Variants in AK8 observed in about 807,000 individuals in gnomAD.
AK8 encodes the protein ATP-AMP transphosphorylase 8.
AK8 carries 44 observed loss-of-function variants against 54.6 expected under a neutral mutation model. That is an observed-to-expected ratio of 0.81 (90% CI 0.63 to 1.04). The LOEUF (loss-of-function observed/expected upper bound fraction) is 1.04, where lower values mean the gene tolerates loss of function less well. Among genes scored for constraint, AK8 ranks in the 50% least tolerant of loss-of-function variants. The pLI is 0.00. For missense variants in AK8, 555 were observed against 613.6 expected, an observed-to-expected ratio of 0.90 and a Z score of 1.01; for synonymous variants, 239 against 245.6, an observed-to-expected ratio of 0.97 and a Z score of 0.25.
intron 11 of AK8, among the ~76,000 whole-genome samples, chr9:132,742,227 T>C (rs968557368): frequency 1.4e-5 from 2 of 147,772 alleles, no homozygotes; most frequent in South Asian, 4.3e-4. Context: ...CAGGCTGGAG[T>C]GTAATGACAC....
chr9:132,777,871 G>A lies in AK8; in HGVS notation c.1121+14763C>T, dbSNP rs369719114. Among the ~76,000 whole-genome samples the A allele has an allele frequency of 7.9e-5, 12 of 152,160 alleles. No homozygotes were observed. In the East Asian group the frequency reaches 1.4e-3, roughly 17 times the overall value. ...GCTGTGGGTCCCACCCCCAACACACGCCCCACTTTCTTTTTCACCCTTGTC... is the reference window on the plus strand; with the variant it reads ...GCTGTGGGTCCCACCCCCAACACACACCCCACTTTCTTTTTCACCCTTGTC... On this transcript the variant is annotated intron_variant, in intron 11 of 12. Coordinates refer to ENST00000298545, the MANE Select transcript of AK8 (RefSeq NM_152572.3).
intron 10 of AK8, among the ~76,000 whole-genome samples, chr9:132,811,750 G>A (rs1314137751): frequency 6.6e-6 from 1 of 152,230 alleles, no homozygotes; most frequent in African/African-American, 2.4e-5. Flanking sequence ...GGGCATCACT[G>A]CTGACTCAGG....
intron 4 of AK8, among the ~76,000 whole-genome samples, chr9:132,859,490 G>A (rs1433537275): frequency 6.6e-6 from 1 of 152,092 alleles, no homozygotes; most frequent in Non-Finnish European, 1.5e-5. Context: ...GGGATTACAG[G>A]TGTAAGCCAC....
chr9:132,815,497 G>A (rs1439707303), intron 9 of AK8, among the ~76,000 whole-genome samples: 2 of 151,986 alleles, frequency 1.3e-5, no homozygotes, highest in Admixed American at 6.5e-5. Flanking sequence ...AGGTTGCAGC[G>A]AGCCAAGATC....
rs1055926784 is a variant in AK8, at chr9:132,826,060, T to C, written c.757+794A>G. Among the ~76,000 whole-genome samples, 2 of 152,206 alleles carry C rather than the reference T, an allele frequency of 1.3e-5. No homozygotes were observed. The highest frequency in any genetic ancestry group is 4.8e-5 in the African/African-American group (2 of 41,458). On this transcript the variant is annotated intron_variant, in intron 8 of 12. Coordinates refer to ENST00000298545, the MANE Select transcript of AK8 (RefSeq NM_152572.3). This position sits in a 1 kb window ranked among gnomAD's most constrained non-coding sequence, Gnocchi z 4.5. Reference sequence around the variant, plus strand: ...GGGTGTTGAACAATGATAGGAGCTATGACGACTGATGTTTATTGAGGCTTT... The same window carrying C: ...GGGTGTTGAACAATGATAGGAGCTACGACGACTGATGTTTATTGAGGCTTT...
intron 10 of AK8, among the ~76,000 whole-genome samples, chr9:132,812,555 G>GCCGCGCCCACTGGGATGACGGGTGAGCCA (rs1564415159): frequency 3.5e-5 from 4 of 114,532 alleles, no homozygotes; most frequent in African/African-American, 1.6e-4. Context: ...CGGGTGAGCC[G>GCCGCGCCCACTGGGATGACGGGTGAGCCA]CCGCGCCCGG....
At chr9:132,729,160 C>T (rs1046828843) in intron 11 of AK8, among the ~76,000 whole-genome samples, 1 of 152,200 alleles carries the variant, frequency 6.6e-6, no homozygotes, top group Non-Finnish European at 1.5e-5. Flanking sequence ...GCTGGGATTA[C>T]AGGCATGAGC....
intron 11 of AK8, among the ~76,000 whole-genome samples, chr9:132,792,285 A>G (rs1348432677): frequency 1.3e-5 from 2 of 152,244 alleles, no homozygotes; most frequent in African/African-American, 4.8e-5. Context: ...ACTCACATCC[A>G]AATAAATATC....
intron 11 of AK8, among the ~76,000 whole-genome samples, chr9:132,737,342 A>G (rs12379608): frequency 0.2 from 29,876 of 152,184 alleles, 3,371 homozygotes; most frequent in East Asian, 0.4. Flanking sequence ...TAATGCAAAT[A>G]CTACATAAAC....
chr9:132,786,328 A>G (rs1781678330), intron 11 of AK8, among the ~76,000 whole-genome samples: 1 of 152,180 alleles, frequency 6.6e-6, no homozygotes, highest in African/African-American at 2.4e-5. Flanking sequence ...AGGATAAAAT[A>G]CAGGCTCTTT....
At chr9:132,746,004 C>T (rs1421184091) in intron 11 of AK8, among the ~76,000 whole-genome samples, 3 of 152,138 alleles carry the variant, frequency 2.0e-5, no homozygotes, top group Non-Finnish European at 4.4e-5. Context: ...AGCCGAAGGA[C>T]AGAGGAGACA....
At chr9:132,843,556 G>C (rs949100159) in intron 5 of AK8, among the ~76,000 whole-genome samples, 3 of 152,184 alleles carry the variant, frequency 2.0e-5, no homozygotes, top group Non-Finnish European at 2.9e-5. Flanking sequence ...GAGCAGGGTG[G>C]GTGCAGGTTG....
chr9:132,730,709 C>T (rs898990451), intron 11 of AK8, among the ~76,000 whole-genome samples: 4 of 152,118 alleles, frequency 2.6e-5, no homozygotes, highest in Non-Finnish European at 5.9e-5. Context: ...GAGCCAGGCA[C>T]CCCAAAGGTC....
intron 4 of AK8, among the ~76,000 whole-genome samples, chr9:132,857,449 G>C (rs984120704): frequency 6.6e-6 from 1 of 152,092 alleles, no homozygotes; most frequent in East Asian, 1.9e-4. Context: ...GTCTCCAGGG[G>C]AGCTTCCCCA....
chr9:132,840,881 G>A (rs1484639501), intron 5 of AK8, among the ~76,000 whole-genome samples: 1 of 152,112 alleles, frequency 6.6e-6, no homozygotes, highest in Non-Finnish European at 1.5e-5. Flanking sequence ...GATGTTGCTG[G>A]TAGATCATAA....
chr9:132,740,751 C>A (rs914698929), intron 11 of AK8, among the ~76,000 whole-genome samples: 1 of 152,102 alleles, frequency 6.6e-6, no homozygotes, highest in Non-Finnish European at 1.5e-5. Context: ...CTCACCTGCA[C>A]GGTGGGCCCA....
Position 132,826,847 on chromosome 9 carries a change from T to G in AK8, c.757+7A>C. 1 of 1,614,132 alleles carries G rather than the reference T, an allele frequency of 6.2e-7. No individual in the cohort carries two copies. Among genetic ancestry groups the G allele is most frequent in the East Asian group, 2.2e-5 (1 of 44,882 alleles). On this transcript the variant is annotated splice_region_variant and intron_variant, in intron 8 of 12. Coordinates refer to ENST00000298545, the MANE Select transcript of AK8 (RefSeq NM_152572.3). This position sits in a 1 kb window ranked among gnomAD's most constrained non-coding sequence, Gnocchi z 4.5. Reference sequence around the variant, plus strand: ...TGTCCAGGGTGGGGCTGCCTGCTTGTGTTTACCCTGGTAGAAGACGTCCAC... The same window carrying G: ...TGTCCAGGGTGGGGCTGCCTGCTTGGGTTTACCCTGGTAGAAGACGTCCAC...
intron 11 of AK8, among the ~76,000 whole-genome samples, chr9:132,747,444 C>A (rs565385674): frequency 6.9e-6 from 1 of 145,544 alleles, no homozygotes; most frequent in African/African-American, 2.5e-5. Flanking sequence ...TAAGGCACTG[C>A]ACCCAGCATT....
At chr9:132,843,205 G>C (rs553154719) in intron 5 of AK8, among the ~76,000 whole-genome samples, 8 of 152,240 alleles carry the variant, frequency 5.3e-5, no homozygotes, top group Non-Finnish European at 8.8e-5. Context: ...TTGGATCATG[G>C]GGGCGGGTCC....
Sources: allele counts gnomAD v4.1 joint callset (sites outside exome capture counted in the v4.1 genomes callset), GRCh38; gene constraint gnomAD v4.1.1; non-coding constraint Gnocchi (gnomAD v3.1); transcripts MANE v1.5; gene names NCBI Gene and HGNC (gene_info 2026-07-23, HGNC 2026-07-21).